The following CELF2 variants were observed in gnomAD, a reference collection of about 807,000 sequenced individuals.
CELF2 encodes the protein CUG triplet repeat RNA-binding protein 2.
Under a neutral mutation model 62.6 loss-of-function variants are expected in CELF2, and 8 were observed. The observed-to-expected ratio is 0.13, with a 90% CI of 0.07 to 0.23. CELF2 has a LOEUF of 0.23. CELF2 is among the 10% of genes least tolerant of loss of function. CELF2 has a pLI of 1.00. For missense variants in CELF2, 333 were observed against 671.0 expected, an observed-to-expected ratio of 0.50 and a Z score of 5.56; for synonymous variants, 258 against 250.0, an observed-to-expected ratio of 1.03 and a Z score of -0.30.
the CELF2 span, among the ~76,000 whole-genome samples, chr10:10,553,751 C>A: frequency 2.6e-5 from 4 of 152,084 alleles, no homozygotes. Context: ...GAGAACACTG[C>A]GAGCAGAGGC....
At chr10:11,222,031 C>A (rs1247144038) in intron 3 of CELF2, among the ~76,000 whole-genome samples, 5 of 152,230 alleles carry the variant, frequency 3.3e-5, no homozygotes, top group African/African-American at 1.2e-4. Context: ...GAATGGGCCC[C>A]TTCCTGGCCT....
the CELF2 span, among the ~76,000 whole-genome samples, chr10:10,726,981 T>G: frequency 6.6e-6 from 1 of 151,098 alleles, no homozygotes. Context: ...ATGGCTGGAG[T>G]AGGAGGAAGA....
intron 1 of CELF2, among the ~76,000 whole-genome samples, chr10:10,879,039 T>G (rs773216194): frequency 6.6e-5 from 10 of 152,242 alleles, no homozygotes; most frequent in Non-Finnish European, 1.5e-4. Flanking sequence ...AAGGGGCCAT[T>G]AATTACCTGT....
At chr10:10,670,237 A>G in the CELF2 span, among the ~76,000 whole-genome samples, 1 of 152,090 alleles carries the variant, frequency 6.6e-6, no homozygotes, top group Non-Finnish European at 1.5e-5. Context: ...TGCTCAACAT[A>G]TATTTGTTGA....
At chr10:11,005,317 G>A (rs563693749), upstream of CELF2, 30 of 1,611,310 alleles carry the variant, frequency 1.9e-5, no homozygotes, top group South Asian at 3.0e-4. The surrounding 1 kb of genome is among the most constrained non-coding windows in gnomAD (Gnocchi z 4.3). Context: ...GCGTTAGTGA[G>A]CAGCGACTGT....
the CELF2 span, among the ~76,000 whole-genome samples, chr10:10,750,005 C>T: frequency 5.3e-5 from 8 of 152,264 alleles, no homozygotes; most frequent in South Asian, 4.1e-4. Flanking sequence ...TGCCATAGGC[C>T]GGGCGAGGCG....
the CELF2 span, among the ~76,000 whole-genome samples, chr10:10,550,011 C>T: frequency 1.2e-4 from 18 of 152,076 alleles, no homozygotes; most frequent in Non-Finnish European, 1.6e-4. Context: ...TTGAACAGTG[C>T]GGGAGTTAAG....
intron 2 of CELF2, among the ~76,000 whole-genome samples, chr10:11,185,374 A>G (rs2074582729): frequency 6.6e-6 from 1 of 151,986 alleles, no homozygotes; most frequent in South Asian, 2.1e-4. Context: ...CCAACCTTGA[A>G]TTGCTGGGAT....
intron 2 of CELF2, among the ~76,000 whole-genome samples, chr10:11,210,990 C>G (rs1475430318): frequency 2.6e-5 from 4 of 152,194 alleles, no homozygotes; most frequent in Admixed American, 2.0e-4. Context: ...ATTTTTAAAA[C>G]TGCGTCAGCC....
At chr10:10,750,457 G>A in the CELF2 span, among the ~76,000 whole-genome samples, 1 of 152,154 alleles carries the variant, frequency 6.6e-6, no homozygotes, top group Non-Finnish European at 1.5e-5. Flanking sequence ...AATTGTTATG[G>A]TTAACTAATA....
chr10:10,723,611 T>A, the CELF2 span, among the ~76,000 whole-genome samples: 1 of 152,234 alleles, frequency 6.6e-6, no homozygotes, highest in Non-Finnish European at 1.5e-5. Flanking sequence ...TTCCTCATTT[T>A]TTTTAAAGCA....
chr10:10,680,233 C>T, the CELF2 span, among the ~76,000 whole-genome samples: 23 of 152,244 alleles, frequency 1.5e-4, 1 homozygote, highest in African/African-American at 5.5e-4. Flanking sequence ...GTTTGGGAGT[C>T]CCCAAGACCA....
the CELF2 span, among the ~76,000 whole-genome samples, chr10:10,687,283 A>G: frequency 6.6e-6 from 1 of 152,224 alleles, no homozygotes; most frequent in African/African-American, 2.4e-5. Context: ...CAGATTTGCT[A>G]CTGAAATTAA....
chr10:11,152,650 A>G (rs2063551720), intron 1 of CELF2, among the ~76,000 whole-genome samples: 1 of 152,242 alleles, frequency 6.6e-6, no homozygotes, highest in Non-Finnish European at 1.5e-5. Flanking sequence ...TTTTCTCCCA[A>G]AAAAGGAAAT....
At chr10:10,725,737 C>T in the CELF2 span, among the ~76,000 whole-genome samples, 1 of 152,266 alleles carries the variant, frequency 6.6e-6, no homozygotes, top group South Asian at 2.1e-4. Flanking sequence ...ACTCTCTTGG[C>T]GACGTGTTAT....
the CELF2 span, among the ~76,000 whole-genome samples, chr10:10,696,025 T>A: frequency 0.021 from 3,182 of 151,966 alleles, 100 homozygotes; most frequent in South Asian, 0.073. Flanking sequence ...TCATTCTCCA[T>A]CCAGCTTTGT....
intron 1 of CELF2, among the ~76,000 whole-genome samples, chr10:11,027,954 C>A (rs958461488): frequency 2.6e-5 from 4 of 152,194 alleles, no homozygotes; most frequent in Non-Finnish European, 5.9e-5. Flanking sequence ...GCCGCAAGTT[C>A]CCCCGCATTT....
chr10:11,293,376 G>C (rs1393365814), intron 9 of CELF2, among the ~76,000 whole-genome samples: 1 of 152,216 alleles, frequency 6.6e-6, no homozygotes, highest in Admixed American at 6.5e-5. Flanking sequence ...ACTGTTTTCA[G>C]TAACCTACTA....
chr10:10,721,864 G>T, the CELF2 span, among the ~76,000 whole-genome samples: 1 of 152,158 alleles, frequency 6.6e-6, no homozygotes, highest in Non-Finnish European at 1.5e-5. Flanking sequence ...AGCCTGGCAT[G>T]TGCAATGGGT....
Sources: gnomAD v4.1 joint callset for allele counts (sites outside exome capture counted in the v4.1 genomes callset) on GRCh38, gnomAD v4.1.1 for gene constraint, Gnocchi (gnomAD v3.1) non-coding constraint, MANE v1.5 for transcripts, NCBI Gene and HGNC (gene_info 2026-07-23, HGNC 2026-07-21) for gene names.